RIBC2: variants seen among roughly 807,000 people sequenced by gnomAD.
The protein encoded by RIBC2 is RIB43A domain with coiled-coils 2.
RIBC2 carries 40 observed loss-of-function variants against 44.3 expected under a neutral mutation model. That is an observed-to-expected ratio of 0.90 (90% CI 0.70 to 1.18). RIBC2 has a LOEUF of 1.18. Ranked by LOEUF, RIBC2 falls within the 50% of genes most tolerant of loss-of-function variation. The probability of loss-of-function intolerance (pLI) is 0.00; values close to 1 mark genes in which losing one functional copy is unlikely to be tolerated. For missense variants in RIBC2, 459 were observed against 485.5 expected (o/e 0.95, Z 0.51); for synonymous variants, 171 against 175.0 (o/e 0.98, Z 0.18).
chr22:45,427,124 T>C (rs1201967126), intron 5 of RIBC2, among the ~76,000 whole-genome samples: 1 of 152,174 alleles, frequency 6.6e-6, no homozygotes, highest in Non-Finnish European at 1.5e-5. Context: ...AGGATTACAT[T>C]TGCCTGAATG....
intron 1 of RIBC2, 23 bp from the exon 2 acceptor site, chr22:45,414,299 C>T (rs1362411331): frequency 3.9e-6 from 6 of 1,542,188 alleles, no homozygotes; most frequent in Non-Finnish European, 5.2e-6. Context: ...TCTAACCCTT[C>T]TCCTCTGTTT....
chr22:45,421,544 T>A lies in RIBC2; in HGVS notation c.557-746T>A, dbSNP rs765115392. On this transcript the variant is annotated intron_variant, in intron 3 of 6. Transcript: ENST00000614167. ...AATAATAATAGTATTATTAATAATA[T>A]TAATAATAATAATAGTATTATTAAT... Among the ~76,000 whole-genome samples, 49 of 113,208 alleles carry A rather than the reference T, an allele frequency of 4.3e-4. 2 individuals are homozygous for A. The highest frequency in any genetic ancestry group is 6.8e-4 in the Non-Finnish European group (36 of 53,286). The allele number at this position is 113,208 out of a possible 152,430, so 74.3% of individuals were successfully genotyped here.
At chr22:45,423,171 C>A (rs928684141) in intron 4 of RIBC2, among the ~76,000 whole-genome samples, 3 of 151,988 alleles carry the variant, frequency 2.0e-5, no homozygotes, top group African/African-American at 4.8e-5. Flanking sequence ...TTTGTAGACA[C>A]AGGGTTTTGC....
Position 45,432,401 on chromosome 22 carries a change from G to A in RIBC2, c.*39G>A. 1 of 1,346,580 alleles carries A rather than the reference G, an allele frequency of 7.4e-7. No homozygotes were observed. The highest frequency in any genetic ancestry group is 1.5e-5 in the African/African-American group (1 of 68,402). 83.4% of individuals were successfully genotyped at this position (1,346,580 alleles called of 1,614,324 possible). A position where few individuals can be genotyped will look rare whatever the true frequency, so the allele number is the denominator to read the frequency against. On this transcript the variant is annotated 3_prime_UTR_variant, in exon 7 of 7. Transcript: ENST00000614167. ...CTTGTTCCCGTCATTCACGTATAAA[G>A]AGTGGCTACCTTAAAGAGTCACGTT...
rs34233704 is a variant in RIBC2, at chr22:45,421,308, CTATTAT to C, written c.557-973_557-968del. ...GACTCCATGTCAAATAATAATAATA[CTATTAT>C]TATTATTAATACTATTATTAATAAT... is the stretch of plus-strand genomic sequence containing the variant. On this transcript the variant is annotated intron_variant, in intron 3 of 6. Coordinates refer to ENST00000614167, the MANE Select transcript of RIBC2 (RefSeq NM_015653.5). 6.1e-3 allele frequency among the ~76,000 whole-genome samples: 871 copies of C among 143,498 alleles called. 18 individuals carry two copies. Among genetic ancestry groups the C allele is most frequent in the African/African-American group, 0.021 (812 of 38,790 alleles). 94.1% of individuals were successfully genotyped at this position (143,498 alleles called of 152,430 possible). A position where few individuals can be genotyped will look rare whatever the true frequency, so the allele number is the denominator to read the frequency against.
chr22:45,419,809 G>C (rs1013882831), intron 3 of RIBC2, among the ~76,000 whole-genome samples: 1 of 151,830 alleles, frequency 6.6e-6, no homozygotes, highest in Non-Finnish European at 1.5e-5. Context: ...GGCAGATCAC[G>C]AGGTCAGGAG....
intron 6 of RIBC2, among the ~76,000 whole-genome samples, chr22:45,431,698 G>T (rs187405801): frequency 4.1e-4 from 62 of 152,286 alleles, no homozygotes; most frequent in Non-Finnish European, 7.2e-4. Context: ...GGCTGGGCTC[G>T]GTGGCTCACG....
chr22:45,414,159 T>G, intron 1 of RIBC2, 144 bp downstream of exon 1: 1 of 1,478,108 alleles, frequency 6.8e-7, no homozygotes, highest in Non-Finnish European at 9.0e-7. Flanking sequence ...TAATGCTCCC[T>G]CTCGAGCTCG....
intron 5 of RIBC2, among the ~76,000 whole-genome samples, chr22:45,428,835 G>A (rs1244257119): frequency 6.6e-6 from 1 of 151,564 alleles, no homozygotes; most frequent in Non-Finnish European, 1.5e-5. Context: ...CACCCCATAG[G>A]TCTGGGTCAC....
intron 5 of RIBC2, among the ~76,000 whole-genome samples, chr22:45,429,157 A>C (rs991952835): frequency 9.2e-5 from 14 of 152,278 alleles, no homozygotes; most frequent in African/African-American, 3.1e-4. Flanking sequence ...GGAGGGTCCC[A>C]AAGGGAGGGT....
Position 45,432,281 on chromosome 22 carries a change from C to G in RIBC2, c.1071-3C>G. On this transcript the variant is annotated splice_region_variant and splice_polypyrimidine_tract_variant and intron_variant, in intron 6 of 6. Coordinates refer to ENST00000614167, the MANE Select transcript of RIBC2 (RefSeq NM_015653.5). Reference sequence around the variant, plus strand: ...CCTTTTTTTTTTCTCATTTTGTTATCAGGAAAAAATATATGAATGAAGTCT... The same window carrying G: ...CCTTTTTTTTTTCTCATTTTGTTATGAGGAAAAAATATATGAATGAAGTCT... 1 of 1,481,260 alleles carries G rather than the reference C, an allele frequency of 6.8e-7. No individual in the cohort carries two copies. The highest frequency in any genetic ancestry group is 1.2e-5 in the South Asian group (1 of 80,546). 91.8% of individuals were successfully genotyped at this position (1,481,260 alleles called of 1,614,324 possible).
intron 3 of RIBC2, among the ~76,000 whole-genome samples, chr22:45,421,529 GTATTATTAATAATATTAATAA>G (rs2087480561): frequency 3.3e-5 from 1 of 30,756 alleles, no homozygotes; most frequent in South Asian, 1.5e-3. Context: ...AATAATAATA[GTATTATTAATAATATTAATAA>G]TAATAATAGT....
At position 45,413,942 on chromosome 22, in the gene RIBC2, A is replaced by C; in HGVS notation, c.56A>C (p.Asn19Thr). 6.4e-7 allele frequency: 1 copy of C among 1,551,722 alleles called. No homozygotes were observed. Among genetic ancestry groups the C allele is most frequent in the East Asian group, 2.4e-5 (1 of 40,922 alleles). ...ALPRDLRQDA[N>T]LAKRRHAELC... ...CCCAGGGACTTGCGGCAGGACGCCAACCTGGCAAAGAGGAGGCACGCGGAG... is the reference window on the plus strand; with the variant it reads ...CCCAGGGACTTGCGGCAGGACGCCACCCTGGCAAAGAGGAGGCACGCGGAG... The change falls in exon 1 of 7, where the codon AAC (asparagine) becomes ACC (threonine). Residue 19 changes from asparagine (N) to threonine (T), a missense_variant. By Grantham distance (65) the Asn-to-Thr change is moderately conservative. Transcript: ENST00000614167.
In RIBC2 at chr22:45,422,423, C is replaced by T. The variant is rs373437464; in HGVS notation, c.675+15C>T. The T allele has an allele frequency of 2.5e-5, 40 of 1,577,258 alleles. No individual in the cohort carries two copies. Among genetic ancestry groups the T allele is most frequent in the African/African-American group, 1.6e-4 (12 of 74,184 alleles). On this transcript the variant is annotated intron_variant, in intron 4 of 6. Transcript: ENST00000614167. ...ACAAGAGCCAGGTATAGGTACTCCG[C>T]GACCTCGGGCTCGACGACTGGAGGG...
At position 45,422,674 on chromosome 22, in the gene RIBC2, TTTC is replaced by T. The variant is rs200205434; in HGVS notation, c.675+274_675+276del. Among the ~76,000 whole-genome samples, 634 of 152,306 alleles carry T rather than the reference TTTC, an allele frequency of 4.2e-3. 2 individuals carry two copies. Among genetic ancestry groups the T allele is most frequent in the Non-Finnish European group, 5.2e-3 (352 of 68,026 alleles). ...GTCAGCTCACCTTTCTACACCTCGG[TTTC>T]TTCTTCTGTAACATGAGGATGGTGA... On this transcript the variant is annotated intron_variant, in intron 4 of 6. Transcript: ENST00000614167.
Position 45,413,861 on chromosome 22 carries a change from T to C in RIBC2, c.-26T>C, listed in dbSNP as rs1345510139. 1 of 1,532,594 alleles carries C rather than the reference T, an allele frequency of 6.5e-7. No individual in the cohort carries two copies. The highest frequency in any genetic ancestry group is 2.1e-5 in the Admixed American group (1 of 48,746). The allele number at this position is 1,532,594 out of a possible 1,614,324, so 94.9% of individuals were successfully genotyped here. On this transcript the variant is annotated 5_prime_UTR_variant, in exon 1 of 7. Coordinates refer to ENST00000614167, the MANE Select transcript of RIBC2 (RefSeq NM_015653.5). ...CGTCGCCTGTTCTCCTGATCCTGCG[T>C]GTTCTAAAAACCCCTTAGGCTTTCC...
intron 3 of RIBC2, among the ~76,000 whole-genome samples, chr22:45,421,478 A>T (rs1476231698): frequency 6.9e-6 from 1 of 144,756 alleles, no homozygotes; most frequent in East Asian, 2.0e-4. Flanking sequence ...ATGCACTTGG[A>T]TGTCTAATTA....
intron 3 of RIBC2, among the ~76,000 whole-genome samples, chr22:45,420,087 A>G (rs1165608959): frequency 6.6e-6 from 1 of 152,204 alleles, no homozygotes; most frequent in African/African-American, 2.4e-5. Flanking sequence ...CCTACAGAGT[A>G]AACATTTCAC....
Position 45,413,812 on chromosome 22 carries a change from C to T in RIBC2, c.-75C>T. ...TGCCCGACCGAAGGAGCCGACCTTG[C>T]CTGCGCTACAGCTTCCTTATTTTCG... On this transcript the variant is annotated 5_prime_UTR_variant, in exon 1 of 7. Transcript: ENST00000614167. 2 of 1,476,756 alleles carry T rather than the reference C, an allele frequency of 1.4e-6. No homozygotes were observed. The highest frequency in any genetic ancestry group is 2.5e-5 in the Admixed American group (1 of 40,560). The allele number at this position is 1,476,756 out of a possible 1,614,324, so 91.5% of individuals were successfully genotyped here. A position where few individuals can be genotyped will look rare whatever the true frequency, so the allele number is the denominator to read the frequency against.
Sources: gnomAD v4.1 joint callset for allele counts (sites outside exome capture counted in the v4.1 genomes callset) on GRCh38, gnomAD v4.1.1 for gene constraint, MANE v1.5 for transcripts, NCBI Gene and HGNC (gene_info 2026-07-23, HGNC 2026-07-21) for gene names.